ENPP2: variants seen among roughly 807,000 people sequenced by gnomAD.
The protein encoded by ENPP2 is ectonucleotide pyrophosphatase/phosphodiesterase 2.
ENPP2 carries 51 observed loss-of-function variants against 120.2 expected under a neutral mutation model. That is an observed-to-expected ratio of 0.42 (90% CI 0.34 to 0.54). ENPP2 has a LOEUF of 0.54. ENPP2 is among the 20% of genes least tolerant of loss of function. The pLI is 0.04. For synonymous variants in ENPP2, 365 were observed against 366.4 expected (o/e 1.00, Z 0.04); for missense variants, 920 against 1,066.5 (o/e 0.86, Z 1.91).
chr8:119,591,514 G>A (rs1275421503), intron 12 of ENPP2, among the ~76,000 whole-genome samples: 1 of 152,062 alleles, frequency 6.6e-6, no homozygotes, highest in Admixed American at 6.6e-5. Flanking sequence ...AGATGACCTG[G>A]AACGTTTTAA....
At chr8:119,623,050 A>G (rs1446889302) in intron 3 of ENPP2, among the ~76,000 whole-genome samples, 1 of 152,154 alleles carries the variant, frequency 6.6e-6, no homozygotes, top group Admixed American at 6.5e-5. Flanking sequence ...ACATATGAAC[A>G]CTTCAGGTCT....
chr8:119,667,499 A>C (rs1818108255), intron 1 of ENPP2, among the ~76,000 whole-genome samples: 1 of 152,214 alleles, frequency 6.6e-6, no homozygotes, highest in African/African-American at 2.4e-5. Context: ...GGAAAGACAG[A>C]CATTGTGACC....
At chr8:119,582,650 A>T (rs780082191) in intron 17 of ENPP2, 48 bp from the exon 18 acceptor site, 1 of 1,344,078 alleles carries the variant, frequency 7.4e-7, no homozygotes, top group African/African-American at 1.5e-5. Flanking sequence ...TATTTTTTTG[A>T]TGAGATATGG....
chr8:119,623,916 A>C (rs1488657733), intron 3 of ENPP2, among the ~76,000 whole-genome samples: 2 of 152,154 alleles, frequency 1.3e-5, no homozygotes, highest in Non-Finnish European at 2.9e-5. Context: ...ATGAGCCACT[A>C]TGCCCAGCCA....
At chr8:119,613,495 T>A (rs1196730440) in intron 8 of ENPP2, among the ~76,000 whole-genome samples, 2 of 152,170 alleles carry the variant, frequency 1.3e-5, no homozygotes, top group Non-Finnish European at 2.9e-5. Flanking sequence ...CATGGTTTAG[T>A]CCCTCAGTAA....
chr8:119,615,093 A>G (rs908476824), intron 8 of ENPP2, among the ~76,000 whole-genome samples: 1 of 152,166 alleles, frequency 6.6e-6, no homozygotes, highest in Non-Finnish European at 1.5e-5. Flanking sequence ...AAAAATTTCT[A>G]TTTATAGTCC....
At chr8:119,633,980 C>G (rs762255203) in intron 2 of ENPP2, among the ~76,000 whole-genome samples, 1 of 151,864 alleles carries the variant, frequency 6.6e-6, no homozygotes, top group Non-Finnish European at 1.5e-5. Flanking sequence ...GTCAGGAGTT[C>G]GAGAGCAGCC....
intron 2 of ENPP2, among the ~76,000 whole-genome samples, chr8:119,636,302 G>A (rs912875741): frequency 2.6e-5 from 4 of 152,196 alleles, no homozygotes; most frequent in African/African-American, 9.6e-5. Flanking sequence ...TCTACAGGAT[G>A]CTTTTACCTA....
At chr8:119,661,890 T>C (rs1232980163) in intron 1 of ENPP2, among the ~76,000 whole-genome samples, 1 of 151,860 alleles carries the variant, frequency 6.6e-6, no homozygotes, top group Non-Finnish European at 1.5e-5. Flanking sequence ...AACCTGGAGG[T>C]CATGATACTT....
At position 119,601,270 on chromosome 8, in the gene ENPP2, G is replaced by A; in HGVS notation, c.899+127C>T. 7 of 665,226 alleles carry A rather than the reference G, an allele frequency of 1.1e-5. No homozygotes were observed. In the South Asian group the frequency reaches 1.2e-4, roughly 11 times the overall value. The allele number at this position is 665,226 out of a possible 1,614,324, so 41.2% of individuals were successfully genotyped here. On this transcript the variant is annotated intron_variant, in intron 10 of 24. Transcript: ENST00000075322. ...TCCTTCTTAGGGAAGTAACACTTAA[G>A]GCTAAGAACCACAAAACTTTTAATT...
In ENPP2 at chr8:119,644,604, A is replaced by G. The variant is rs1403035600; in HGVS notation, c.22-6077T>C. 9.3e-4 allele frequency among the ~76,000 whole-genome samples: 90 copies of G among 96,304 alleles called. 3 individuals are homozygous for G. Among genetic ancestry groups the G allele is most frequent in the Middle Eastern group, 9.9e-3 (2 of 202 alleles). 63.2% of individuals were successfully genotyped at this position (96,304 alleles called of 152,430 possible). A position where few individuals can be genotyped will look rare whatever the true frequency, so the allele number is the denominator to read the frequency against. ...ATTACTAAAATATATATATATATAT[A>G]TATATATATATATATATATATACAC... On this transcript the variant is annotated intron_variant, in intron 1 of 25. Coordinates refer to the ENPP2 transcript ENST00000427067.
chr8:119,621,465 T>C lies in ENPP2; in HGVS notation c.347A>G (p.Asn116Ser). 6.2e-7 allele frequency: 1 copy of C among 1,613,474 alleles called. No individual in the cohort carries two copies. Among genetic ancestry groups the C allele is most frequent in the Non-Finnish European group, 8.5e-7 (1 of 1,179,490 alleles). ...GCAGTCCTCTGAGCAGTGACAGGCA[T>C]TTTCTTCATTTCTGACTTCTCCACA... ...DRCGEVRNEE[N>S]ACHCSEDCLA... The change falls in exon 4 of 25, where the codon AAT becomes AGT. Residue 116 changes from asparagine to serine, a missense_variant. Physicochemically the swap from Asn to Ser is conservative, Grantham distance 46. Coordinates refer to ENST00000075322, the MANE Select transcript of ENPP2 (RefSeq NM_001040092.3).
At chr8:119,626,755 A>C in intron 2 of ENPP2, 35 bp from the exon 3 acceptor site, 1 of 1,605,880 alleles carries the variant, frequency 6.2e-7, no homozygotes, top group Non-Finnish European at 8.5e-7. Context: ...AATGGACTGG[A>C]GAGTGGTCAT....
intron 19 of ENPP2, among the ~76,000 whole-genome samples, chr8:119,579,024 C>A (rs947614451): frequency 1.3e-5 from 2 of 152,214 alleles, no homozygotes; most frequent in Non-Finnish European, 2.9e-5. Flanking sequence ...TGCATCTTTG[C>A]TGCATGACTT....
intron 21 of ENPP2, among the ~76,000 whole-genome samples, chr8:119,568,970 C>T (rs1264448153): frequency 5.9e-5 from 9 of 152,204 alleles, no homozygotes; most frequent in African/African-American, 1.2e-4. Flanking sequence ...TAATGATTCA[C>T]TGTTTCCTTT....
chr8:119,650,948 AC>A (rs1361944925), intron 1 of ENPP2, among the ~76,000 whole-genome samples: 1 of 151,376 alleles, frequency 6.6e-6, no homozygotes, highest in African/African-American at 2.4e-5. Context: ...GAACAATAAT[AC>A]CTTTCATTTG....
At chr8:119,652,115 G>A (rs1817643875) in intron 1 of ENPP2, among the ~76,000 whole-genome samples, 1 of 152,042 alleles carries the variant, frequency 6.6e-6, no homozygotes, top group South Asian at 2.1e-4. Context: ...TACGATCAAG[G>A]CACCAGCAGA....
intron 15 of ENPP2, 75 bp downstream of exon 15, chr8:119,586,111 G>C (rs7341607): frequency 1.4e-6 from 2 of 1,472,124 alleles, no homozygotes; most frequent in Non-Finnish European, 1.9e-6. Flanking sequence ...GATGACTAAG[G>C]ATGATAAAAT....
At chr8:119,654,978 A>C (rs1205403468) in intron 1 of ENPP2, among the ~76,000 whole-genome samples, 1 of 152,190 alleles carries the variant, frequency 6.6e-6, no homozygotes, top group Non-Finnish European at 1.5e-5. Context: ...TTCCTGGATA[A>C]ATCAAAAGGA....
Sources: gnomAD v4.1 joint callset for allele counts (sites outside exome capture counted in the v4.1 genomes callset) on GRCh38, gnomAD v4.1.1 for gene constraint, MANE v1.5 for transcripts, NCBI Gene and HGNC (gene_info 2026-07-23, HGNC 2026-07-21) for gene names.